Variants in PLEKHG7 observed in about 807,000 individuals in gnomAD.
The protein encoded by PLEKHG7 is pleckstrin homology domain-containing family G member 7.
PLEKHG7 carries 77 observed loss-of-function variants against 85.2 expected under a neutral mutation model. That is an observed-to-expected ratio of 0.90 (90% confidence interval 0.75 to 1.09). The LOEUF (loss-of-function observed/expected upper bound fraction) is 1.09. Ranked by LOEUF, PLEKHG7 falls within the 50% of genes least tolerant of loss-of-function variation. The pLI is 0.00. For synonymous variants in PLEKHG7, 301 were observed against 302.4 expected, an observed-to-expected ratio of 1.00 and a Z score of 0.05; for missense variants, 777 against 804.3, an observed-to-expected ratio of 0.97 and a Z score of 0.41.
Position 92,770,756 on chromosome 12 carries a change from C to T in PLEKHG7, c.*561C>T, listed in dbSNP as rs1004631423. The T allele has an allele frequency of 2.0e-5, 3 of 152,074 alleles. No individual in the cohort carries two copies. The highest frequency in any genetic ancestry group is 7.3e-5 in the African/African-American group (3 of 41,378). The allele number at this position is 152,074 out of a possible 1,614,324, so 9.4% of individuals were successfully genotyped here. On this transcript the variant is annotated 3_prime_UTR_variant, in exon 17 of 17. Coordinates refer to ENST00000344636, the MANE Select transcript of PLEKHG7 (RefSeq NM_001377329.1). ...CAGTTTTAAAATTCCTATTCTCAAA[C>T]TCATCTCAGGTATATAGTACTCTAA...
intron 3 of PLEKHG7, among the ~76,000 whole-genome samples, chr12:92,710,014 T>C (rs1871337444): frequency 6.6e-6 from 1 of 152,178 alleles, no homozygotes; most frequent in Non-Finnish European, 1.5e-5. Flanking sequence ...AATGGAAACT[T>C]TCTTGCGTCT....
At chr12:92,738,126 G>A (rs77185966) in intron 7 of PLEKHG7, among the ~76,000 whole-genome samples, 4 of 152,202 alleles carry the variant, frequency 2.6e-5, no homozygotes, top group African/African-American at 9.6e-5. Flanking sequence ...AGATATAGGG[G>A]GCTACCACCC....
At chr12:92,735,903 AT>A (rs1565791109) in intron 5 of PLEKHG7, among the ~76,000 whole-genome samples, 1 of 152,262 alleles carries the variant, frequency 6.6e-6, no homozygotes, top group East Asian at 1.9e-4. Context: ...TAGAAATCAG[AT>A]TTTTTAAACA....
At chr12:92,756,153 T>C (rs1017230084) in intron 12 of PLEKHG7, 145 bp from the exon 13 acceptor site, 1 of 720,974 alleles carries the variant, frequency 1.4e-6, no homozygotes, top group Non-Finnish European at 2.3e-6. Context: ...AGAGGGTTTT[T>C]CATTGTTTCC....
Position 92,764,141 on chromosome 12 carries a change from C to T in PLEKHG7, c.1817C>T (p.Pro606Leu). 2 of 1,610,656 alleles carry T rather than the reference C, an allele frequency of 1.2e-6. No individual in the cohort carries two copies. The highest frequency in any genetic ancestry group is 2.2e-5 in the East Asian group (1 of 44,634). ...EGGSCTVLDQPIPLDRLVVKS... is the reference protein window; with the variant it reads ...EGGSCTVLDQLIPLDRLVVKS... ...GGTTCGTGTACAGTACTCGATCAGC[C>T]TATTCCACTAGATAGATTGGTAGTC... The change falls in exon 15 of 17, where the codon CCT becomes CTT. Residue 606 changes from proline (P) to leucine (L), a missense_variant. Pro to Leu is a moderately conservative substitution (Grantham distance 98). Coordinates refer to ENST00000344636, the MANE Select transcript of PLEKHG7 (RefSeq NM_001377329.1).
intron 3 of PLEKHG7, chr12:92,721,573 G>A: frequency 9.1e-7 from 1 of 1,102,182 alleles, no homozygotes; most frequent in East Asian, 3.2e-5. Context: ...GGGTGGGGGT[G>A]GGGAAAGCCA....
intron 14 of PLEKHG7, among the ~76,000 whole-genome samples, 174 bp from the exon 15 acceptor site, chr12:92,763,867 A>G (rs1000968378): frequency 1.3e-5 from 2 of 152,150 alleles, no homozygotes; most frequent in Non-Finnish European, 2.9e-5. Flanking sequence ...TTTGCTATAA[A>G]TCACTATGCT....
intron 3 of PLEKHG7, among the ~76,000 whole-genome samples, chr12:92,723,013 G>C (rs1018719263): frequency 1.3e-5 from 2 of 152,192 alleles, no homozygotes; most frequent in African/African-American, 4.8e-5. Flanking sequence ...ATTTATGGAG[G>C]AGGAGTGTCT....
rs147482985 is a variant in PLEKHG7 at position 92,713,259 on chromosome 12, G to A, written c.530+5587G>A. ...AAGTCTGGAAATTGATTGAGGGGCC[G>A]TGATTCTGTTTTTACAATTCAAATT... On this transcript the variant is annotated intron_variant, in intron 3 of 16. Transcript: ENST00000344636. Among the ~76,000 whole-genome samples the A allele has an allele frequency of 1.2e-4, 18 of 152,354 alleles. No individual in the cohort carries two copies. In the East Asian group the frequency reaches 2.5e-3, roughly 21 times the overall value.
At chr12:92,709,597 C>T (rs1225639117) in intron 3 of PLEKHG7, among the ~76,000 whole-genome samples, 1 of 152,118 alleles carries the variant, frequency 6.6e-6, no homozygotes, top group East Asian at 1.9e-4. Context: ...AGTCTGGGTC[C>T]AGCTCTGATT....
At chr12:92,742,213 T>C (rs1338144374) in intron 9 of PLEKHG7, among the ~76,000 whole-genome samples, 1 of 152,226 alleles carries the variant, frequency 6.6e-6, no homozygotes, top group African/African-American at 2.4e-5. Context: ...ACCTCCCAAG[T>C]GCTATGTATG....
At chr12:92,727,820 A>C (rs1871858051) in intron 3 of PLEKHG7, among the ~76,000 whole-genome samples, 2 of 150,506 alleles carry the variant, frequency 1.3e-5, no homozygotes, top group Admixed American at 1.3e-4. Context: ...CGAACTCCTG[A>C]CCTCAGATGA....
chr12:92,735,699 G>T (rs187510212), intron 5 of PLEKHG7, among the ~76,000 whole-genome samples: 1 of 152,266 alleles, frequency 6.6e-6, no homozygotes, highest in Admixed American at 6.5e-5. Flanking sequence ...GAACTAAAAA[G>T]AAAATGTTCA....
chr12:92,703,857 C>T (rs1218574345), intron 1 of PLEKHG7, among the ~76,000 whole-genome samples: 2 of 152,202 alleles, frequency 1.3e-5, no homozygotes, highest in Non-Finnish European at 2.9e-5. Context: ...AGCTACACCC[C>T]TGTGTCTGAA....
chr12:92,717,515 C>T (rs533288405), intron 3 of PLEKHG7, among the ~76,000 whole-genome samples: 1 of 152,274 alleles, frequency 6.6e-6, no homozygotes, highest in Non-Finnish European at 1.5e-5. Context: ...AAAGTGGAGA[C>T]ACAAATACAG....
intron 13 of PLEKHG7, among the ~76,000 whole-genome samples, chr12:92,761,548 GAA>G (rs1411539292): frequency 1.6e-5 from 2 of 126,542 alleles, no homozygotes; most frequent in Non-Finnish European, 3.6e-5. Flanking sequence ...AAAAAAGAGA[GAA>G]AGAAAGAAAG....
chr12:92,704,669 G>A (rs7955444), intron 1 of PLEKHG7, among the ~76,000 whole-genome samples: 5,259 of 152,288 alleles, frequency 0.035, 320 homozygotes, highest in African/African-American at 0.12. Flanking sequence ...TTGAATTGAC[G>A]TTAGTTTGCA....
chr12:92,755,781 G>A (rs1177638952), intron 11 of PLEKHG7, 44 bp from the exon 12 acceptor site: 1 of 1,275,480 alleles, frequency 7.8e-7, no homozygotes, highest in African/African-American at 1.5e-5. Flanking sequence ...ATACTGCAAT[G>A]TCATATGCAC....
At chr12:92,751,044 G>A (rs1872678440) in intron 10 of PLEKHG7, among the ~76,000 whole-genome samples, 1 of 152,222 alleles carries the variant, frequency 6.6e-6, no homozygotes, top group Non-Finnish European at 1.5e-5. Flanking sequence ...TTAGCCTCAT[G>A]TGGTATGAAG....
Sources: gnomAD v4.1 joint callset for allele counts (sites outside exome capture counted in the v4.1 genomes callset) on GRCh38, gnomAD v4.1.1 for gene constraint, MANE v1.5 for transcripts, NCBI Gene and HGNC (gene_info 2026-07-23, HGNC 2026-07-21) for gene names.